NLRC5: variants seen among roughly 807,000 people sequenced by gnomAD.
NLRC5 encodes the protein protein NLRC5.
In NLRC5, 114 loss-of-function variants were observed where a neutral mutation model predicts 206.9. That is an observed-to-expected ratio of 0.55 (90% CI 0.47 to 0.64). The LOEUF is 0.64. Among genes scored for constraint, NLRC5 ranks in the 30% least tolerant of loss-of-function variants. The pLI, the probability that NLRC5 is intolerant of heterozygous loss-of-function variation, is 0.00. For synonymous variants in NLRC5, 952 were observed against 962.8 expected (o/e 0.99, Z 0.21); for missense variants, 2,008 against 2,305.5 (o/e 0.87, Z 2.64).
intron 36 of NLRC5, among the ~76,000 whole-genome samples, chr16:57,069,283 A>G (rs569123427): frequency 2.0e-5 from 3 of 152,110 alleles, no homozygotes; most frequent in Admixed American, 6.6e-5. Flanking sequence ...TTTTATTTCC[A>G]TCTAACTGAT....
At chr16:57,043,381 T>G in intron 19 of NLRC5, 134 bp from the exon 20 acceptor site, 1 of 762,314 alleles carries the variant, frequency 1.3e-6, no homozygotes, top group Non-Finnish European at 2.4e-6. Flanking sequence ...CAAGGGGTGC[T>G]CTCTGACCAT....
At chr16:57,009,609 G>A (rs1457366167) in intron 1 of NLRC5, among the ~76,000 whole-genome samples, 2 of 151,742 alleles carry the variant, frequency 1.3e-5, no homozygotes, top group Non-Finnish European at 2.9e-5. Flanking sequence ...AAAAATACAA[G>A]AACATATTAT....
intron 21 of NLRC5, among the ~76,000 whole-genome samples, chr16:57,046,028 G>A (rs2143940648): frequency 6.6e-6 from 1 of 152,330 alleles, no homozygotes; most frequent in South Asian, 2.1e-4. Flanking sequence ...GGACAGGGTG[G>A]GCCCATGTGC....
At chr16:57,075,005 CTTTTTTT>C (rs77796033) in intron 39 of NLRC5, among the ~76,000 whole-genome samples, 1 of 58,104 alleles carries the variant, frequency 1.7e-5, no homozygotes, top group Admixed American at 2.6e-4. Context: ...CTAGACTGTG[CTTTTTTT>C]TTTTTTTTTT....
chr16:57,070,981 T>A (rs78659732), intron 38 of NLRC5, among the ~76,000 whole-genome samples: 6,686 of 40,586 alleles, frequency 0.16, 490 homozygotes, highest in Middle Eastern at 0.37. Flanking sequence ...GTGAGTGGTG[T>A]TGGTGGTTAA....
chr16:57,063,770 G>T (rs375429240), intron 32 of NLRC5, among the ~76,000 whole-genome samples: 3 of 151,692 alleles, frequency 2.0e-5, no homozygotes, highest in African/African-American at 7.3e-5. Flanking sequence ...ACGGAGTCTC[G>T]CTCTGTTGCC....
chr16:57,079,080 G>A lies in NLRC5; in HGVS notation c.5112G>A (p.Gly1704=), dbSNP rs1567651354. The A allele has an allele frequency of 6.2e-7, 1 of 1,614,156 alleles. No homozygotes were observed. Among genetic ancestry groups the A allele is most frequent in the Middle Eastern group, 1.6e-4 (1 of 6,062 alleles). The change falls in exon 44 of 49, where the codon GGG becomes GGA. Residue 1704 remains glycine, a synonymous_variant. Coordinates refer to ENST00000688547, the MANE Select transcript of NLRC5 (RefSeq NM_001384950.1). ...CATTCAGCCATCTGGGCCCAGGTGG[G>A]GCCCTGAGCCTGGCCCAGGCCCTGG... ...HLPFSHLGPG[G]ALSLAQALDG... is the part of the protein sequence containing the mutation.
At chr16:57,048,674 C>T (rs912416546) in intron 23 of NLRC5, among the ~76,000 whole-genome samples, 8 of 152,164 alleles carry the variant, frequency 5.3e-5, no homozygotes, top group South Asian at 2.1e-4. Context: ...GCTGGGATTA[C>T]AGGCGCCCGC....
intron 33 of NLRC5, 147 bp from the exon 34 acceptor site, chr16:57,066,387 C>A: frequency 1.5e-6 from 1 of 651,104 alleles, no homozygotes. Context: ...GAAGCACCTA[C>A]TTTCCAGTCC....
rs761392531 is a variant in NLRC5, at chr16:57,034,282, G to A, written c.2627+31G>A. 5.2e-6 allele frequency: 8 copies of A among 1,548,040 alleles called. No homozygotes were observed. The South Asian group carries it at 8.9e-5, about 17-fold the overall frequency. ...TATCACGGGAAGCCCTGGCGTAGGA[G>A]CCAGGAAAGGAGGTTGGAGAGGGTG... is the stretch of plus-strand genomic sequence containing the variant. On this transcript the variant is annotated intron_variant, in intron 13 of 48. Transcript: ENST00000688547.
At position 57,058,054 on chromosome 16, in the gene NLRC5, AC is replaced by A. The variant is rs2144554737; in HGVS notation, c.3747-6del. The A allele has an allele frequency of 6.2e-7, 1 of 1,609,548 alleles. No homozygotes were observed. The highest frequency in any genetic ancestry group is 1.8e-4 in the Middle Eastern group (1 of 5,514). ...CCTCTGATCCCCGCCACTGCTCCTT[AC>A]CCCCTACAGTCTCTCAGCAAACCTG... On this transcript the variant is annotated splice_polypyrimidine_tract_variant and intron_variant, in intron 27 of 48. Transcript: ENST00000688547.
At chr16:57,070,502 C>A in intron 37 of NLRC5, 33 bp from the exon 38 acceptor site, 1 of 1,595,900 alleles carries the variant, frequency 6.3e-7, no homozygotes, top group South Asian at 1.1e-5. Context: ...GGGCAGGCTG[C>A]GCTAACCCTT....
chr16:57,067,829 G>T lies in NLRC5; in HGVS notation c.4499+1G>T, dbSNP rs747408019. ...CCCTCTCTGAGCTGAAGACATTTCG[G>T]TATGTAGACAAGACATTCACTCAGT... On this transcript the variant is annotated splice_donor_variant, in intron 36 of 48. Coordinates refer to ENST00000688547, the MANE Select transcript of NLRC5 (RefSeq NM_001384950.1). LOFTEE classifies it high-confidence loss of function. The T allele has an allele frequency of 1.2e-6, 2 of 1,612,128 alleles. No homozygotes were observed. The highest frequency in any genetic ancestry group is 1.7e-6 in the Non-Finnish European group (2 of 1,178,158).
At chr16:57,051,483 C>A in intron 23 of NLRC5, 55 bp from the exon 24 acceptor site, 1 of 1,337,998 alleles carries the variant, frequency 7.5e-7, no homozygotes, top group Non-Finnish European at 1.1e-6. Context: ...TGAGGCCGTG[C>A]TCCCTGCTTT....
intron 12 of NLRC5, 103 bp downstream of exon 12, chr16:57,033,772 A>G: frequency 9.0e-7 from 1 of 1,114,426 alleles, no homozygotes; most frequent in Non-Finnish European, 1.3e-6. Flanking sequence ...AAAGCAGATG[A>G]GGGACAGGGA....
In NLRC5 at chr16:57,026,460, A is replaced by G; in HGVS notation, c.1517A>G (p.Gln506Arg). ...TGCGTCTGCACAGGCCCTGGGCACC[A>G]GCAGACAGGCTATGCTTTCACCCAC... ...SFCVCTGPGH[Q>R]QTGYAFTHLS... Residue 506 changes from glutamine (Q) to arginine (R), a missense_variant, in exon 6 of 49, where the codon CAG (glutamine) becomes CGG (arginine). Gln to Arg is a conservative substitution (Grantham distance 43). Transcript: ENST00000688547. The G allele has an allele frequency of 1.2e-6, 2 of 1,614,168 alleles. No homozygotes were observed. The highest frequency in any genetic ancestry group is 1.7e-6 in the Non-Finnish European group (2 of 1,180,010).
chr16:57,026,757 G>T lies in NLRC5; in HGVS notation c.1814G>T (p.Arg605Leu). The T allele has an allele frequency of 1.2e-6, 2 of 1,614,032 alleles. No individual in the cohort carries two copies. The highest frequency in any genetic ancestry group is 8.5e-7 in the Non-Finnish European group (1 of 1,179,926). Residue 605 changes from arginine to leucine, a missense_variant, in exon 6 of 49, where the codon CGC (arginine) becomes CTC (leucine). Arg to Leu is a moderately radical substitution (Grantham distance 102). Transcript: ENST00000688547. ...CAGGTGTTGAAGAAGTTGGCCACCC[G>T]CAAGCTCACAGGGCCAAAGGTTGTA... ...VVQVLKKLAT[R>L]KLTGPKVVEL...
At chr16:56,996,798 C>T (rs189923469) in intron 1 of NLRC5, among the ~76,000 whole-genome samples, 19 of 152,242 alleles carry the variant, frequency 1.2e-4, no homozygotes, top group South Asian at 4.1e-4. Context: ...TTTTAAAAGA[C>T]GACCATTTGT....
rs1371256628 is a variant in NLRC5 at position 57,017,148 on chromosome 16, C to T, written c.-53C>T. On this transcript the variant is annotated 5_prime_UTR_variant, in exon 2 of 49. Transcript: ENST00000688547. ...GCCCAGACACCCATGAGACCCTCTCCGTGGGGACCCTAGAGCACCTATCAT... is the reference window on the plus strand; with the variant it reads ...GCCCAGACACCCATGAGACCCTCTCTGTGGGGACCCTAGAGCACCTATCAT... The T allele has an allele frequency of 2.6e-5, 4 of 152,888 alleles. No individual in the cohort carries two copies. Among genetic ancestry groups the T allele is most frequent in the South Asian group, 4.1e-4 (2 of 4,826 alleles). 9.5% of individuals were successfully genotyped at this position (152,888 alleles called of 1,614,324 possible).
Sources: allele counts gnomAD v4.1 joint callset (sites outside exome capture counted in the v4.1 genomes callset), GRCh38; gene constraint gnomAD v4.1.1; transcripts MANE v1.5; gene names NCBI Gene and HGNC (gene_info 2026-07-23, HGNC 2026-07-21).